The following NKAIN3 variants were observed in gnomAD, a reference collection of about 807,000 sequenced individuals.
NKAIN3 encodes sodium/potassium-transporting ATPase subunit beta-1-interacting protein 3.
Under a neutral mutation model 30.2 loss-of-function variants are expected in NKAIN3, and 25 were observed. The ratio of observed to expected loss-of-function variants is 0.83; its 90% CI spans 0.60 to 1.16. The LOEUF (loss-of-function observed/expected upper bound fraction) is 1.16, where lower values mean the gene tolerates loss of function less well. NKAIN3 is among the 50% of genes most tolerant of loss of function. The pLI, the probability that NKAIN3 is intolerant of heterozygous loss-of-function variation, is 0.00. For synonymous variants in NKAIN3, 91 were observed against 89.6 expected, an observed-to-expected ratio of 1.02 and a Z score of -0.09; for missense variants, 225 against 254.1, an observed-to-expected ratio of 0.89 and a Z score of 0.78.
In NKAIN3 at chr8:62,393,445, C is replaced by T. The variant is rs867292839; in HGVS notation, c.54+144318C>T. On this transcript the variant is annotated intron_variant, in intron 1 of 6. Coordinates refer to ENST00000623646, the MANE Select transcript of NKAIN3 (RefSeq NM_001304533.3). ...TGGGTATATTTCTGGACTCAAAATT[C>T]CTTTTAGTTGATCTTTATGTCAATC... Among the ~76,000 whole-genome samples, 28 of 151,898 alleles carry T rather than the reference C, an allele frequency of 1.8e-4. 1 individual carries two copies. Among genetic ancestry groups the T allele is most frequent in the Middle Eastern group, 6.7e-3 (2 of 300 alleles).
intron 1 of NKAIN3, among the ~76,000 whole-genome samples, chr8:62,370,825 A>T (rs1185323338): frequency 6.6e-6 from 1 of 152,022 alleles, no homozygotes; most frequent in Non-Finnish European, 1.5e-5. Context: ...CAGACCCAGA[A>T]GAAATGCAGC....
chr8:62,770,020 A>G (rs935848906), intron 4 of NKAIN3, among the ~76,000 whole-genome samples: 1 of 152,182 alleles, frequency 6.6e-6, no homozygotes, highest in Non-Finnish European at 1.5e-5. Context: ...ATTTGCTTCT[A>G]ACTAATAGAA....
chr8:62,462,017 A>G (rs1022573055), intron 1 of NKAIN3, among the ~76,000 whole-genome samples: 1 of 152,222 alleles, frequency 6.6e-6, no homozygotes, highest in Non-Finnish European at 1.5e-5. Flanking sequence ...AGAAAATTAT[A>G]ATGGACACAT....
intron 1 of NKAIN3, among the ~76,000 whole-genome samples, chr8:62,324,384 A>G (rs940818316): frequency 6.6e-6 from 1 of 152,160 alleles, no homozygotes; most frequent in African/African-American, 2.4e-5. Context: ...AAATATGTTT[A>G]TAAGTAATAA....
chr8:62,442,252 A>G (rs552878159), intron 1 of NKAIN3, among the ~76,000 whole-genome samples: 24 of 152,086 alleles, frequency 1.6e-4, no homozygotes, highest in African/African-American at 5.3e-4. Flanking sequence ...GTGGAAAGGA[A>G]TATATTTAAT....
chr8:62,485,478 G>A (rs1806869964), intron 1 of NKAIN3, among the ~76,000 whole-genome samples: 1 of 152,168 alleles, frequency 6.6e-6, no homozygotes, highest in Non-Finnish European at 1.5e-5. Context: ...CGACATGTTT[G>A]TGTAATCCCC....
At chr8:62,764,461 T>C (rs1816770943) in intron 4 of NKAIN3, among the ~76,000 whole-genome samples, 1 of 138,394 alleles carries the variant, frequency 7.2e-6, no homozygotes, top group South Asian at 2.4e-4. Flanking sequence ...TAAAAGGTAA[T>C]ATACAAATAA....
intron 1 of NKAIN3, among the ~76,000 whole-genome samples, chr8:62,313,652 G>A (rs1041737530): frequency 6.6e-6 from 1 of 152,066 alleles, no homozygotes; most frequent in Non-Finnish European, 1.5e-5. Context: ...ATGCAAAACA[G>A]GTTTGATTCT....
chr8:62,855,998 C>G (rs1820049425), intron 4 of NKAIN3: 2 of 691,482 alleles, frequency 2.9e-6, no homozygotes, highest in African/African-American at 1.8e-5. Context: ...CCAGCAACTC[C>G]TCAGGGCACA....
intron 3 of NKAIN3, among the ~76,000 whole-genome samples, chr8:62,632,563 C>G (rs571966664): frequency 2.0e-5 from 3 of 152,082 alleles, no homozygotes; most frequent in Non-Finnish European, 4.4e-5. Flanking sequence ...AGTGCAATGG[C>G]ATGATCTCGG....
chr8:62,594,791 T>TCCTTCCTC (rs1158368901), intron 3 of NKAIN3, among the ~76,000 whole-genome samples: 34 of 151,994 alleles, frequency 2.2e-4, no homozygotes, highest in Non-Finnish European at 1.2e-4. Context: ...CTTCCTTCCT[T>TCCTTCCTC]CCTTCCTCCC....
intron 1 of NKAIN3, among the ~76,000 whole-genome samples, chr8:62,276,894 T>C (rs562438717): frequency 1.6e-4 from 25 of 152,308 alleles, no homozygotes; most frequent in Admixed American, 8.5e-4. Context: ...TTTTCAGTGG[T>C]GAATAAAATG....
At chr8:62,432,542 G>A (rs748682498) in intron 1 of NKAIN3, among the ~76,000 whole-genome samples, 2 of 152,008 alleles carry the variant, frequency 1.3e-5, no homozygotes, top group Non-Finnish European at 2.9e-5. Flanking sequence ...ACAATAGCAT[G>A]ATATTTGATG....
downstream of NKAIN3, among the ~76,000 whole-genome samples, chr8:62,987,214 A>T (rs903895506): frequency 6.6e-6 from 1 of 151,732 alleles, no homozygotes; most frequent in Admixed American, 6.6e-5. Context: ...TGACAAGACC[A>T]CGTATCTACT....
intron 1 of NKAIN3, among the ~76,000 whole-genome samples, chr8:62,485,383 A>G (rs1194057153): frequency 6.6e-6 from 1 of 152,212 alleles, no homozygotes; most frequent in Non-Finnish European, 1.5e-5. Context: ...TGAGTGGAAA[A>G]GAACATTTTT....
intron 4 of NKAIN3, among the ~76,000 whole-genome samples, chr8:62,848,608 T>A (rs1819762950): frequency 6.6e-6 from 1 of 152,186 alleles, no homozygotes; most frequent in Non-Finnish European, 1.5e-5. Context: ...GATCATGTCA[T>A]CTGCAAACAG....
At chr8:62,715,729 A>T (rs1814877538) in intron 3 of NKAIN3, among the ~76,000 whole-genome samples, 7 of 152,124 alleles carry the variant, frequency 4.6e-5, no homozygotes, top group Admixed American at 4.6e-4. Flanking sequence ...TTAGATGTGG[A>T]TTTAATTAAA....
At chr8:62,932,567 A>T (rs1436549190) in intron 5 of NKAIN3, among the ~76,000 whole-genome samples, 1 of 152,188 alleles carries the variant, frequency 6.6e-6, no homozygotes, top group East Asian at 1.9e-4. Flanking sequence ...ACACCATAAA[A>T]TATTTAGGAA....
At chr8:62,471,301 C>T (rs1016690801) in intron 1 of NKAIN3, among the ~76,000 whole-genome samples, 1 of 150,772 alleles carries the variant, frequency 6.6e-6, no homozygotes, top group African/African-American at 2.4e-5. Context: ...CAATTTACTT[C>T]TCTAAAAAAA....
Sources: allele counts gnomAD v4.1 joint callset (sites outside exome capture counted in the v4.1 genomes callset), GRCh38; gene constraint gnomAD v4.1.1; transcripts MANE v1.5; gene names NCBI Gene and HGNC (gene_info 2026-07-23, HGNC 2026-07-21).